Variants in SYNE1 observed in about 807,000 individuals in gnomAD.
SYNE1 encodes nesprin-1.
A neutral mutation model predicts 1,111.0 loss-of-function variants in SYNE1; 616 were observed. That is an observed-to-expected ratio of 0.55 (90% confidence interval 0.52 to 0.59). The LOEUF (loss-of-function observed/expected upper bound fraction) is 0.59. Ranked by LOEUF, SYNE1 falls within the 20% of genes least tolerant of loss-of-function variation. The pLI, the probability that SYNE1 is intolerant of heterozygous loss-of-function variation, is 0.00. For missense variants in SYNE1, 10,006 were observed against 10,417.0 expected (o/e 0.96, Z 1.72); for synonymous variants, 3,855 against 3,825.8 (o/e 1.01, Z -0.28).
rs561961129 is a variant in SYNE1, at chr6:152,352,304, C to T, written c.11303G>A (p.Arg3768Gln). The T allele has an allele frequency of 5.6e-6, 9 of 1,614,164 alleles. 1 individual carries two copies. Among genetic ancestry groups the T allele is most frequent in the South Asian group, 3.3e-5 (3 of 91,082 alleles). The change falls in exon 70 of 146, where the codon CGG becomes CAG. Residue 3768 changes from arginine (R) to glutamine (Q), a missense_variant. Physicochemically the swap from Arg to Gln is conservative, Grantham distance 43 (BLOSUM62 1). This residue lies in a region of SYNE1 where 4,955 missense variants were observed against 5,017.2 expected (regional missense o/e 0.99). Transcript: ENST00000367255. Reference protein sequence around the residue: ...EKGHSLLKSAREKGERAVKYL... With the variant: ...EKGHSLLKSAQEKGERAVKYL... ...TTTAACAGCCCTCTCTCCTTTCTCC[C>T]GGGCTGATTTCAGCAAACTGTGACC...
At chr6:152,539,050 A>G (rs2127978900) in intron 4 of SYNE1, among the ~76,000 whole-genome samples, 1 of 152,286 alleles carries the variant, frequency 6.6e-6, no homozygotes, top group South Asian at 2.1e-4. Flanking sequence ...GCTTTGGGGA[A>G]GCCCCTGATC....
intron 128 of SYNE1, among the ~76,000 whole-genome samples, chr6:152,182,016 G>A (rs1056725907): frequency 2.0e-5 from 3 of 152,156 alleles, no homozygotes; most frequent in African/African-American, 7.2e-5. Flanking sequence ...ACAATACTGA[G>A]ACTCTTCATG....
intron 59 of SYNE1, 94 bp downstream of exon 59, chr6:152,372,943 A>G: frequency 1.5e-6 from 2 of 1,370,086 alleles, no homozygotes; most frequent in South Asian, 1.2e-5. Flanking sequence ...AATCATTGAC[A>G]AGGGGGCTTT....
intron 3 of SYNE1, among the ~76,000 whole-genome samples, chr6:152,553,679 A>G (rs1370262364): frequency 6.6e-6 from 1 of 152,148 alleles, no homozygotes; most frequent in African/African-American, 2.4e-5. Flanking sequence ...GAACTGGCTC[A>G]CCTATGAATC....
At chr6:152,484,742 C>T (rs1319322505) in intron 13 of SYNE1, 93 bp downstream of exon 13, 11 of 1,361,392 alleles carry the variant, frequency 8.1e-6, no homozygotes, top group East Asian at 4.8e-5. Context: ...GGCAGTAGAA[C>T]CTGTTGCCAT....
At chr6:152,157,071 C>T (rs2061518922) in intron 131 of SYNE1, among the ~76,000 whole-genome samples, 1 of 152,176 alleles carries the variant, frequency 6.6e-6, no homozygotes, top group Non-Finnish European at 1.5e-5. Flanking sequence ...AGGTGATCCA[C>T]CCACCTAGGC....
At chr6:152,375,526 T>C (rs2097264488) in intron 58 of SYNE1, among the ~76,000 whole-genome samples, 1 of 152,136 alleles carries the variant, frequency 6.6e-6, no homozygotes, top group South Asian at 2.1e-4. Flanking sequence ...GCTTAAAAAG[T>C]GCTGCTATTG....
intron 3 of SYNE1, among the ~76,000 whole-genome samples, chr6:152,559,281 T>G (rs571650552): frequency 1.3e-5 from 2 of 152,074 alleles, no homozygotes; most frequent in South Asian, 2.1e-4. Context: ...AAAATTTTTT[T>G]GTAGAGACAG....
intron 91 of SYNE1, among the ~76,000 whole-genome samples, chr6:152,307,225 T>A (rs1422343323): frequency 1.3e-5 from 2 of 152,170 alleles, no homozygotes; most frequent in Non-Finnish European, 1.5e-5. Context: ...TAAATGTAGA[T>A]GGGATATTTA....
chr6:152,263,021 A>ATAGTACAGGGCCTGGGAAGG (rs1187837328), intron 100 of SYNE1, among the ~76,000 whole-genome samples: 2 of 150,276 alleles, frequency 1.3e-5, no homozygotes, highest in African/African-American at 4.9e-5. Flanking sequence ...ACACGGAAAG[A>ATAGTACAGGGCCTGGGAAGG]TAGTACAGGG....
At chr6:152,601,138 G>A (rs1211229107) in intron 3 of SYNE1, among the ~76,000 whole-genome samples, 1 of 152,180 alleles carries the variant, frequency 6.6e-6, no homozygotes, top group Non-Finnish European at 1.5e-5. Context: ...TATGCTAAAT[G>A]GTTTACACCA....
chr6:152,606,149 T>C lies in SYNE1; in HGVS notation c.67+22116A>G, dbSNP rs542964720. Among the ~76,000 whole-genome samples, 17 of 152,228 alleles carry C rather than the reference T, an allele frequency of 1.1e-4. No homozygotes were observed. In the South Asian group the frequency reaches 1.5e-3, roughly 13 times the overall value. ...TTGTCTGTAACCCAGTGGCCATCTG[T>C]AGTGTGGCAAGAAGGGGATCTCATT... On this transcript the variant is annotated intron_variant, in intron 3 of 145. Coordinates refer to ENST00000367255, the MANE Select transcript of SYNE1 (RefSeq NM_182961.4).
intron 4 of SYNE1, among the ~76,000 whole-genome samples, chr6:152,528,217 T>TA (rs2099173717): frequency 6.6e-6 from 1 of 152,220 alleles, no homozygotes; most frequent in Non-Finnish European, 1.5e-5. Flanking sequence ...ACATGACTCT[T>TA]AAATCCAGGT....
At chr6:152,446,382 G>A (rs1490392257) in intron 29 of SYNE1, among the ~76,000 whole-genome samples, 4 of 152,128 alleles carry the variant, frequency 2.6e-5, no homozygotes, top group Admixed American at 2.6e-4. Flanking sequence ...TTTTCAATTT[G>A]TCAAAAACTC....
chr6:152,350,019 A>G, intron 72 of SYNE1, 149 bp downstream of exon 72: 1 of 1,041,982 alleles, frequency 9.6e-7, no homozygotes, highest in Non-Finnish European at 1.5e-6. Context: ...AAAACGGACT[A>G]ATACAGACCT....
rs538118537 is a variant in SYNE1 at position 152,344,885 on chromosome 6, T to G, written c.12079-658A>C. Among the ~76,000 whole-genome samples, 5 of 152,356 alleles carry G rather than the reference T, an allele frequency of 3.3e-5. No homozygotes were observed. In the South Asian group the frequency reaches 6.2e-4, roughly 19 times the overall value. ...CCATAAGACATATTAAGAAAAATTA[T>G]GTGTCTATTTGAGATCAAGAGAAAA... On this transcript the variant is annotated intron_variant, in intron 73 of 145. Transcript: ENST00000367255.
chr6:152,526,002 T>C, intron 5 of SYNE1, 78 bp downstream of exon 5: 1 of 1,330,050 alleles, frequency 7.5e-7, no homozygotes. Flanking sequence ...CAGCACATCT[T>C]AGCACTCTCA....
chr6:152,604,093 AG>A, intron 3 of SYNE1, among the ~76,000 whole-genome samples: 1 of 151,394 alleles, frequency 6.6e-6, no homozygotes, highest in South Asian at 2.1e-4. Context: ...GATATAAAAG[AG>A]TGATGAGTTT....
At position 152,455,267 on chromosome 6, in the gene SYNE1, C is replaced by A. The variant is rs531579780; in HGVS notation, c.2892+159G>T. Among the ~76,000 whole-genome samples the A allele has an allele frequency of 1.4e-4, 22 of 152,328 alleles. No homozygotes were observed. In the South Asian group the frequency reaches 4.6e-3, roughly 32 times the overall value. On this transcript the variant is annotated intron_variant, in intron 24 of 145. Transcript: ENST00000367255. ...ACCAACTCTCTTGAAGTTCTTTTTG[C>A]TCACCATATCTTTGGGTCTCATACC... is the stretch of plus-strand genomic sequence containing the variant.
Sources: allele counts gnomAD v4.1 joint callset (sites outside exome capture counted in the v4.1 genomes callset), GRCh38; gene constraint gnomAD v4.1.1; regional missense constraint gnomAD v4.1.1; transcripts MANE v1.5; gene names NCBI Gene and HGNC (gene_info 2026-07-23, HGNC 2026-07-21).